BCL10: variants seen among roughly 807,000 people sequenced by gnomAD.
The protein encoded by BCL10 is B-cell lymphoma/leukemia 10.
A neutral mutation model predicts 19.2 loss-of-function variants in BCL10; 5 were observed. That is an observed-to-expected ratio of 0.26 (90% CI 0.14 to 0.55). The LOEUF (loss-of-function observed/expected upper bound fraction) is 0.55. Ranked by LOEUF, BCL10 falls within the 20% of genes least tolerant of loss-of-function variation. BCL10 has a pLI of 0.94. For synonymous variants in BCL10, 110 were observed against 98.8 expected (o/e 1.11, Z -0.67); for missense variants, 201 against 271.9 (o/e 0.74, Z 1.83).
chr1:85,270,471 C>T (rs913749479), intron 2 of BCL10, 147 bp downstream of exon 2: 14 of 690,302 alleles, frequency 2.0e-5, no homozygotes, highest in Non-Finnish European at 3.1e-5. Context: ...CAAAGTCTCG[C>T]TATGTTGCCC....
chr1:85,275,767 A>T (rs1478518928), intron 1 of BCL10, among the ~76,000 whole-genome samples: 1 of 152,168 alleles, frequency 6.6e-6, no homozygotes, highest in Non-Finnish European at 1.5e-5. Flanking sequence ...TCACTCCCCC[A>T]ACCCCAATTT....
intron 1 of BCL10, among the ~76,000 whole-genome samples, chr1:85,272,333 G>A (rs1660389413): frequency 6.6e-6 from 1 of 151,950 alleles, no homozygotes; most frequent in Non-Finnish European, 1.5e-5. Flanking sequence ...CTAGACTCAA[G>A]TGATCCCCAT....
chr1:85,273,849 C>T (rs1459218552), intron 1 of BCL10, among the ~76,000 whole-genome samples: 1 of 152,198 alleles, frequency 6.6e-6, no homozygotes, highest in Non-Finnish European at 1.5e-5. Flanking sequence ...GATCTTTAAA[C>T]TATACAATTC....
chr1:85,266,997 G>A lies in BCL10; in HGVS notation c.*630C>T, dbSNP rs1379399365. The stretch of plus-strand genomic sequence containing the variant: ...ATGAAAATGATTAAGCCAAGAATGT[G>A]AAAATCCTAACAAAGTAGTATAATT... On this transcript the variant is annotated 3_prime_UTR_variant, in exon 3 of 3. Coordinates refer to ENST00000648566, the MANE Select transcript of BCL10 (RefSeq NM_003921.5). 1 of 187,390 alleles carries A rather than the reference G, an allele frequency of 5.3e-6. No individual in the cohort carries two copies. Among genetic ancestry groups the A allele is most frequent in the Non-Finnish European group, 1.1e-5 (1 of 88,932 alleles). The allele number at this position is 187,390 out of a possible 1,614,324, so 11.6% of individuals were successfully genotyped here. A position where few individuals can be genotyped will look rare whatever the true frequency, so the allele number is the denominator to read the frequency against.
intron 1 of BCL10, 38 bp downstream of exon 1, chr1:85,276,258 C>T (rs762326147): frequency 3.7e-6 from 6 of 1,606,828 alleles, no homozygotes; most frequent in Non-Finnish European, 5.1e-6. Flanking sequence ...GGGCTGCAGC[C>T]CGCCCCCGCC....
chr1:85,266,409 T>C lies in BCL10; in HGVS notation c.*1218A>G, dbSNP rs894439746. ...AAGATTTATAAACATGTAAAATTAG[T>C]CAAATTTTGTTTTACAACAAAAAGA... is the stretch of plus-strand genomic sequence containing the variant. On this transcript the variant is annotated 3_prime_UTR_variant, in exon 3 of 3. Coordinates refer to ENST00000648566, the MANE Select transcript of BCL10 (RefSeq NM_003921.5). 1.1e-5 allele frequency: 2 copies of C among 188,338 alleles called. No homozygotes were observed. The highest frequency in any genetic ancestry group is 2.2e-5 in the Non-Finnish European group (2 of 89,418). 11.7% of individuals were successfully genotyped at this position (188,338 alleles called of 1,614,324 possible).
rs1660241093 is a variant in BCL10, at chr1:85,267,746, G to A, written c.583C>T (p.Pro195Ser). 3 of 1,614,100 alleles carry A rather than the reference G, an allele frequency of 1.9e-6. No homozygotes were observed. The African/African-American group carries it at 4.0e-5, about 22-fold the overall frequency. Residue 195 changes from proline (P) to serine (S), a missense_variant, in exon 3 of 3, where the codon CCT becomes TCT. This residue lies in a region of BCL10 where 126 missense variants were observed against 136.6 expected (regional missense o/e 0.92). Transcript: ENST00000648566. ...TIFSSTTLPRPGDPGAPPLPP... is the reference protein window; with the variant it reads ...TIFSSTTLPRSGDPGAPPLPP... ...AAAGGAGGAGCCCCTGGGTCCCCAG[G>A]TCTGGGAAGTGTAGTTGAAGAGAAG...
rs1660238749 is a variant in BCL10 at position 85,267,675 on chromosome 1, A to G, written c.654T>C (p.Ser218=). ...ATCTTAAGGGAAGAAACATCTCACT[A>G]GAGTTTGCACAAGTTCCTTCTTCTT... ...QLEEEGTCAN[S]SEMFLPLRSR... is the part of the protein sequence containing the mutation. Residue 218 remains serine, a synonymous_variant, in exon 3 of 3, where the codon TCT becomes TCC. Transcript: ENST00000648566. The G allele has an allele frequency of 6.2e-7, 1 of 1,613,550 alleles. No homozygotes were observed. Among genetic ancestry groups the G allele is most frequent in the Admixed American group, 1.7e-5 (1 of 59,858 alleles).
At chr1:85,275,827 C>T (rs1176665984) in intron 1 of BCL10, among the ~76,000 whole-genome samples, 1 of 152,206 alleles carries the variant, frequency 6.6e-6, no homozygotes, top group African/African-American at 2.4e-5. Context: ...GTGCTTTCAG[C>T]TGTTGAGCTT....
chr1:85,270,364 C>G (rs1446254519), intron 2 of BCL10, among the ~76,000 whole-genome samples: 5 of 152,140 alleles, frequency 3.3e-5, no homozygotes, highest in African/African-American at 1.2e-4. Flanking sequence ...CCTCAATGTC[C>G]CAGGCTTAAG....
chr1:85,274,823 C>T (rs1660471133), intron 1 of BCL10, among the ~76,000 whole-genome samples: 1 of 152,128 alleles, frequency 6.6e-6, no homozygotes, highest in Non-Finnish European at 1.5e-5. Flanking sequence ...CACATAGTTT[C>T]TTTCATAGAC....
rs1049737209 is a variant in BCL10, at chr1:85,271,001, A to G, written c.58-95T>C. On this transcript the variant is annotated intron_variant, in intron 1 of 2. Coordinates refer to ENST00000648566, the MANE Select transcript of BCL10 (RefSeq NM_003921.5). ...TGGCAGTCTTAGCTGGTGTGAGACA[A>G]TGTTCTAAAGTCAGGAGGCTCAGGC... 1.0e-5 allele frequency: 13 copies of G among 1,298,680 alleles called. No individual in the cohort carries two copies. The Admixed American group carries it at 2.9e-4, about 28-fold the overall frequency. 80.4% of individuals were successfully genotyped at this position (1,298,680 alleles called of 1,614,324 possible).
chr1:85,267,227 A>G lies in BCL10; in HGVS notation c.*400T>C. 4.7e-6 allele frequency: 1 copy of G among 214,364 alleles called. No homozygotes were observed. The highest frequency in any genetic ancestry group is 9.4e-6 in the Non-Finnish European group (1 of 106,096). The allele number at this position is 214,364 out of a possible 1,614,324, so 13.3% of individuals were successfully genotyped here. A position where few individuals can be genotyped will look rare whatever the true frequency, so the allele number is the denominator to read the frequency against. ...GAACAGGAACAGCTTAATGCTGAAA[A>G]TTTGCTGCTGAATGACTGGCAAAGA... On this transcript the variant is annotated 3_prime_UTR_variant, in exon 3 of 3. Coordinates refer to ENST00000648566, the MANE Select transcript of BCL10 (RefSeq NM_003921.5).
In BCL10 at chr1:85,270,609, A is replaced by C; in HGVS notation, c.346+9T>G. ...TTAAATTAGCTCTTAGATAATTAAG[A>C]TATCTTACCTTTCAGATGTTCTAGT... On this transcript the variant is annotated intron_variant, in intron 2 of 2. Transcript: ENST00000648566. 1 of 1,586,204 alleles carries C rather than the reference A, an allele frequency of 6.3e-7. No individual in the cohort carries two copies. The highest frequency in any genetic ancestry group is 2.2e-5 in the East Asian group (1 of 44,754).
In BCL10 at chr1:85,270,688, C is replaced by T. The variant is rs1474467737; in HGVS notation, c.276G>A (p.Gln92=). The stretch of plus-strand genomic sequence containing the variant: ...CTGTAATCTTCTGTATCAGGAAGTT[C>T]TGTGTTTTTTCTCGCCGAATAGATT... ...LVESIRREKT[Q]NFLIQKITDE... The change falls in exon 2 of 3, where the codon CAG becomes CAA. Residue 92 remains glutamine (Q), a synonymous_variant. Transcript: ENST00000648566. 3.1e-6 allele frequency: 5 copies of T among 1,613,502 alleles called. No individual in the cohort carries two copies. The highest frequency in any genetic ancestry group is 1.7e-6 in the Non-Finnish European group (2 of 1,179,884).
At position 85,267,876 on chromosome 1, in the gene BCL10, A is replaced by C. The variant is rs758686991; in HGVS notation, c.453T>G (p.Thr151=). ...ATTCTCCTTCTGGATGGTACATGAC[A>C]GTGGATGCCCTCAGTTTTTCAGAGA... ...SNFSEKLRAS[T]VMYHPEGESS... Residue 151 remains threonine (T), a synonymous_variant, in exon 3 of 3, where the codon ACT becomes ACG. Coordinates refer to ENST00000648566, the MANE Select transcript of BCL10 (RefSeq NM_003921.5). The C allele has an allele frequency of 7.4e-6, 12 of 1,613,498 alleles. No individual in the cohort carries two copies. The highest frequency in any genetic ancestry group is 1.0e-5 in the Non-Finnish European group (12 of 1,179,794).
chr1:85,267,575 T>C lies in BCL10; in HGVS notation c.*52A>G, dbSNP rs778772812. The C allele has an allele frequency of 5.6e-6, 8 of 1,422,088 alleles. No individual in the cohort carries two copies. The Admixed American group carries it at 7.1e-5, about 13-fold the overall frequency. The allele number at this position is 1,422,088 out of a possible 1,614,324, so 88.1% of individuals were successfully genotyped here. ...ATTACAGCCATTTTATAAAAAGTCA[T>C]ATTCTTTAAAACATTTTTTGTCATC... On this transcript the variant is annotated 3_prime_UTR_variant, in exon 3 of 3. Coordinates refer to ENST00000648566, the MANE Select transcript of BCL10 (RefSeq NM_003921.5).
intron 2 of BCL10, among the ~76,000 whole-genome samples, chr1:85,268,779 A>AG (rs1247651466): frequency 2.0e-5 from 3 of 151,948 alleles, no homozygotes; most frequent in African/African-American, 7.3e-5. Flanking sequence ...AAAAAAAAAA[A>AG]AAAAAAAAGA....
intron 1 of BCL10, among the ~76,000 whole-genome samples, chr1:85,274,864 GTTAT>G (rs1660472747): frequency 6.6e-6 from 1 of 152,124 alleles, no homozygotes; most frequent in Non-Finnish European, 1.5e-5. Flanking sequence ...TTTCCTCAAG[GTTAT>G]TTATTTCTGA....
Sources: gnomAD v4.1 joint callset for allele counts (sites outside exome capture counted in the v4.1 genomes callset) on GRCh38, gnomAD v4.1.1 for gene constraint, gnomAD v4.1.1 regional missense constraint, MANE v1.5 for transcripts, NCBI Gene and HGNC (gene_info 2026-07-23, HGNC 2026-07-21) for gene names.